Variants in MIA3 observed in about 807,000 individuals in gnomAD.
MIA3 encodes the protein MIA SH3 domain ER export factor 3.
MIA3 carries 90 observed loss-of-function variants against 192.4 expected under a neutral mutation model. The ratio of observed to expected loss-of-function variants is 0.47; its 90% CI spans 0.39 to 0.56. The LOEUF is 0.56. MIA3 is among the 20% of genes least tolerant of loss of function. MIA3 has a pLI of 0.00. For synonymous variants in MIA3, 740 were observed against 792.8 expected, an observed-to-expected ratio of 0.93 and a Z score of 1.12; for missense variants, 2,123 against 2,269.4, an observed-to-expected ratio of 0.94 and a Z score of 1.31.
chr1:222,625,623 G>A (rs17011666), intron 3 of MIA3, among the ~76,000 whole-genome samples: 110,022 of 152,184 alleles, frequency 0.72, 40,343 homozygotes, highest in Non-Finnish European at 0.8. Context: ...AGTTTCAGGT[G>A]AGGTCCAGTC....
chr1:222,654,821 TG>T, intron 18 of MIA3, 28 bp downstream of exon 18: 1 of 1,586,540 alleles, frequency 6.3e-7, no homozygotes, highest in Non-Finnish European at 8.6e-7. Flanking sequence ...TACTGTTAAC[TG>T]TATTGTCATG....
chr1:222,618,664 C>A (rs1048457307), intron 1 of MIA3, among the ~76,000 whole-genome samples: 1 of 152,154 alleles, frequency 6.6e-6, no homozygotes, highest in South Asian at 2.1e-4. Flanking sequence ...CACGCCGCAA[C>A]CAAAGCTTTC....
chr1:222,651,906 T>G (rs767698822), intron 11 of MIA3, 71 bp from the exon 12 acceptor site: 15 of 863,662 alleles, frequency 1.7e-5, no homozygotes, highest in African/African-American at 3.4e-5. Flanking sequence ...ATGTTTCTTC[T>G]TCTTAGTATG....
intron 18 of MIA3, among the ~76,000 whole-genome samples, chr1:222,658,070 A>G (rs1406321868): frequency 6.6e-6 from 1 of 152,198 alleles, no homozygotes; most frequent in African/African-American, 2.4e-5. Flanking sequence ...TATCAGGTTA[A>G]AACCAATTTC....
In MIA3 at chr1:222,629,242, G is replaced by A; in HGVS notation, c.2022G>A (p.Lys674=). The change falls in exon 4 of 28, where the codon AAG becomes AAA. Residue 674 remains lysine (K), a synonymous_variant. Transcript: ENST00000344922. The stretch of plus-strand genomic sequence containing the variant: ...CAGCCAGTAAGCAAATGAGTGAGAA[G>A]ATAAGGCTCTCTGAGGGAGAAGCCA... ...AATASKQMSE[K]IRLSEGEAKE... 1.2e-6 allele frequency: 2 copies of A among 1,614,192 alleles called. No homozygotes were observed. The highest frequency in any genetic ancestry group is 1.7e-6 in the Non-Finnish European group (2 of 1,180,038).
intron 6 of MIA3, among the ~76,000 whole-genome samples, chr1:222,636,586 C>T (rs1242120080): frequency 6.9e-6 from 1 of 144,196 alleles, no homozygotes; most frequent in East Asian, 2.1e-4. Flanking sequence ...CATCTTGGCT[C>T]ATTGCAACCT....
At chr1:222,641,632 A>T in intron 6 of MIA3, 1 of 532,004 alleles carries the variant, frequency 1.9e-6, no homozygotes, top group East Asian at 5.2e-5. Flanking sequence ...CACATGTTCC[A>T]CATCATGCAG....
At position 222,628,072 on chromosome 1, in the gene MIA3, T is replaced by C. The variant is rs999031749; in HGVS notation, c.852T>C (p.Asp284=). 6.2e-7 allele frequency: 1 copy of C among 1,614,090 alleles called. No homozygotes were observed. Among genetic ancestry groups the C allele is most frequent in the Non-Finnish European group, 8.5e-7 (1 of 1,180,014 alleles). The part of the protein sequence containing the change: ...DLKTKFGSTA[D]ALVSDDETTR... ...AAACCAAATTTGGCTCAACAGCTGATGCACTTGTATCTGATGATGAGACAA... is the reference window on the plus strand; with the variant it reads ...AAACCAAATTTGGCTCAACAGCTGACGCACTTGTATCTGATGATGAGACAA... Residue 284 remains aspartate (D), a synonymous_variant, in exon 4 of 28, where the codon GAT becomes GAC. Transcript: ENST00000344922.
chr1:222,642,233 A>G (rs1284106874), intron 6 of MIA3, among the ~76,000 whole-genome samples: 1 of 152,160 alleles, frequency 6.6e-6, no homozygotes, highest in Non-Finnish European at 1.5e-5. Context: ...TGCAAAACTG[A>G]TCAAACTGTG....
At position 222,629,890 on chromosome 1, in the gene MIA3, A is replaced by C. The variant is rs546588231; in HGVS notation, c.2670A>C (p.Glu890Asp). The change falls in exon 4 of 28, where the codon GAA (glutamate) becomes GAC (aspartate). Residue 890 changes from glutamate to aspartate, a missense_variant. By Grantham distance (45) the Glu-to-Asp change is conservative. This residue lies in a region of MIA3 where 1,357 missense variants were observed against 1,396.1 expected (regional missense o/e 0.97). Transcript: ENST00000344922. ...HENTEKYMGT[E>D]SQGSAAAEPE... ...ACACAGAGAAGTACATGGGCACAGA[A>C]AGCCAGGGGTCTGCTGCTGCAGAAC... is the stretch of plus-strand genomic sequence containing the variant. The C allele has an allele frequency of 4.9e-5, 79 of 1,613,950 alleles. 1 individual carries two copies. In the South Asian group the frequency reaches 8.5e-4, roughly 17 times the overall value.
intron 24 of MIA3, 88 bp downstream of exon 24, chr1:222,660,402 CG>C: frequency 2.9e-6 from 4 of 1,392,082 alleles, no homozygotes; most frequent in Non-Finnish European, 3.9e-6. Context: ...CTTTAGAATT[CG>C]GGTCTGTCCA....
chr1:222,618,098 A>G lies in MIA3; in HGVS notation c.-13A>G. 7.3e-7 allele frequency: 1 copy of G among 1,373,550 alleles called. No individual in the cohort carries two copies. Among genetic ancestry groups the G allele is most frequent in the Non-Finnish European group, 9.5e-7 (1 of 1,054,562 alleles). The allele number at this position is 1,373,550 out of a possible 1,614,324, so 85.1% of individuals were successfully genotyped here. A position where few individuals can be genotyped will look rare whatever the true frequency, so the allele number is the denominator to read the frequency against. ...CCTCCTCCGCGTCACCGGCTCCCCG[A>G]GGTGACCACAACATGGCTGCGGCGC... On this transcript the variant is annotated 5_prime_UTR_variant, in exon 1 of 28. Transcript: ENST00000344922.
intron 3 of MIA3, among the ~76,000 whole-genome samples, chr1:222,626,074 T>C (rs1260178432): frequency 6.6e-6 from 1 of 152,212 alleles, no homozygotes; most frequent in East Asian, 1.9e-4. Flanking sequence ...TCTGATTGTT[T>C]TGTGAGTTTT....
intron 8 of MIA3, 84 bp from the exon 9 acceptor site, chr1:222,650,208 T>C (rs1395465746): frequency 7.6e-6 from 6 of 792,050 alleles, no homozygotes; most frequent in African/African-American, 5.1e-5. Context: ...TAGTGCAAGA[T>C]AACATGTCTT....
intron 26 of MIA3, among the ~76,000 whole-genome samples, chr1:222,663,298 C>G (rs566524959): frequency 2.0e-5 from 3 of 152,190 alleles, no homozygotes; most frequent in South Asian, 2.1e-4. Context: ...CCAAGAGCAG[C>G]TTGGATAAGA....
chr1:222,653,766 A>G lies in MIA3; in HGVS notation c.4321+427A>G, dbSNP rs367631518. Among the ~76,000 whole-genome samples, 13 of 152,388 alleles carry G rather than the reference A, an allele frequency of 8.5e-5. No homozygotes were observed. The South Asian group carries it at 2.7e-3, about 32-fold the overall frequency. ...CTGACTAAGGCCATGAAAGAAAACC[A>G]CAACTGGTTTTGAGAGTACTGAGGT... On this transcript the variant is annotated intron_variant, in intron 15 of 27. Coordinates refer to ENST00000344922, the MANE Select transcript of MIA3 (RefSeq NM_198551.4).
intron 18 of MIA3, 92 bp from the exon 19 acceptor site, chr1:222,658,630 A>G (rs1663851621): frequency 1.2e-6 from 1 of 831,222 alleles, no homozygotes. Context: ...ATTTTTAAGA[A>G]TAGGATAGGA....
chr1:222,650,086 C>T (rs894384578), intron 8 of MIA3: 1 of 552,494 alleles, frequency 1.8e-6, no homozygotes, highest in Non-Finnish European at 3.3e-6. Flanking sequence ...CCACCAGGCC[C>T]CACCTGAACA....
At position 222,628,118 on chromosome 1, in the gene MIA3, G is replaced by A. The variant is rs200376659; in HGVS notation, c.898G>A (p.Glu300Lys). 25 of 1,613,956 alleles carry A rather than the reference G, an allele frequency of 1.5e-5. No individual in the cohort carries two copies. Among genetic ancestry groups the A allele is most frequent in the Non-Finnish European group, 1.8e-5 (21 of 1,180,018 alleles). Residue 300 changes from glutamate to lysine, a missense_variant, in exon 4 of 28, where the codon GAA (glutamate) becomes AAA (lysine). This residue lies in a region of MIA3 where 1,357 missense variants were observed against 1,396.1 expected (regional missense o/e 0.97). Coordinates refer to ENST00000344922, the MANE Select transcript of MIA3 (RefSeq NM_198551.4). ...GACAACCAGACTCGTTACTTCATTA[G>A]AAGATGATTTTGATGAGGAATTGGA... is the stretch of plus-strand genomic sequence containing the variant. ...DETTRLVTSL[E>K]DDFDEELDTE... is the part of the protein sequence containing the mutation.
Sources: gnomAD v4.1 joint callset for allele counts (sites outside exome capture counted in the v4.1 genomes callset) on GRCh38, gnomAD v4.1.1 for gene constraint, gnomAD v4.1.1 regional missense constraint, MANE v1.5 for transcripts, NCBI Gene and HGNC (gene_info 2026-07-23, HGNC 2026-07-21) for gene names.